ZFAND3: variants seen among roughly 807,000 people sequenced by gnomAD.
The protein encoded by ZFAND3 is AN1-type zinc finger protein 3.
Under a neutral mutation model 29.6 loss-of-function variants are expected in ZFAND3, and 10 were observed. The observed-to-expected ratio is 0.34, with a 90% CI of 0.21 to 0.57. The LOEUF (loss-of-function observed/expected upper bound fraction) is 0.57. Ranked by LOEUF, ZFAND3 falls within the 20% of genes least tolerant of loss-of-function variation. The pLI is 0.86. For synonymous variants in ZFAND3, 128 were observed against 112.6 expected, an observed-to-expected ratio of 1.14 and a Z score of -0.87; for missense variants, 230 against 304.5, an observed-to-expected ratio of 0.76 and a Z score of 1.82.
intron 5 of ZFAND3, among the ~76,000 whole-genome samples, chr6:38,131,537 G>T (rs1184865750): frequency 6.6e-6 from 1 of 152,200 alleles, no homozygotes; most frequent in African/African-American, 2.4e-5. Context: ...AGAATTACTG[G>T]AAATTGCAAA....
chr6:38,109,142 C>G (rs1413272637), intron 4 of ZFAND3, among the ~76,000 whole-genome samples: 1 of 151,122 alleles, frequency 6.6e-6, no homozygotes, highest in Non-Finnish European at 1.5e-5. Flanking sequence ...AGAGGGAAAA[C>G]CTTGCCCTCT....
chr6:37,926,134 G>T (rs1761479489), intron 1 of ZFAND3, among the ~76,000 whole-genome samples: 1 of 152,168 alleles, frequency 6.6e-6, no homozygotes, highest in African/African-American at 2.4e-5. Context: ...TGACATGAAG[G>T]TATGTGAAGA....
intron 2 of ZFAND3, among the ~76,000 whole-genome samples, chr6:37,973,112 C>G (rs116285092): frequency 6.6e-6 from 1 of 151,962 alleles, no homozygotes; most frequent in Non-Finnish European, 1.5e-5. Flanking sequence ...TTCTGAGTTG[C>G]TGATTTGGTA....
chr6:37,985,498 T>TCC (rs1762651548), intron 2 of ZFAND3, among the ~76,000 whole-genome samples: 1 of 40,712 alleles, frequency 2.5e-5, no homozygotes, highest in Non-Finnish European at 5.0e-5. Flanking sequence ...TGCTTGTGGT[T>TCC]CCACACACAC....
At chr6:37,945,412 T>C (rs1295520280) in intron 2 of ZFAND3, among the ~76,000 whole-genome samples, 1 of 152,200 alleles carries the variant, frequency 6.6e-6, no homozygotes, top group East Asian at 1.9e-4. Context: ...AGTCTTTTTT[T>C]CAAGACAGAG....
At chr6:38,030,540 G>T (rs2127451431) in intron 2 of ZFAND3, among the ~76,000 whole-genome samples, 1 of 152,180 alleles carries the variant, frequency 6.6e-6, no homozygotes, top group Non-Finnish European at 1.5e-5. Context: ...TCAGAGAAAA[G>T]GACACATTTC....
chr6:37,904,184 G>T (rs1393864655), intron 1 of ZFAND3, among the ~76,000 whole-genome samples: 2 of 152,182 alleles, frequency 1.3e-5, no homozygotes, highest in Admixed American at 1.3e-4. Context: ...TGTACATCCT[G>T]TGGAAGCCTA....
intron 2 of ZFAND3, among the ~76,000 whole-genome samples, chr6:38,043,706 G>A (rs771491226): frequency 5.3e-5 from 8 of 151,968 alleles, no homozygotes; most frequent in Non-Finnish European, 1.2e-4. Context: ...TGATCTCCAG[G>A]GTCCAAGGAC....
At chr6:38,082,156 T>G (rs986964650) in intron 3 of ZFAND3, among the ~76,000 whole-genome samples, 1 of 147,412 alleles carries the variant, frequency 6.8e-6, no homozygotes, top group African/African-American at 2.5e-5. Flanking sequence ...TTTTTTTTTT[T>G]GTGTGTGAAA....
intron 1 of ZFAND3, among the ~76,000 whole-genome samples, chr6:37,867,021 A>T (rs1764601900): frequency 6.6e-6 from 1 of 152,238 alleles, no homozygotes; most frequent in Non-Finnish European, 1.5e-5. Flanking sequence ...ATGATGACTC[A>T]AAGTCAAATG....
chr6:37,943,103 T>A (rs1306946114), intron 2 of ZFAND3, among the ~76,000 whole-genome samples: 1 of 151,696 alleles, frequency 6.6e-6, no homozygotes, highest in Non-Finnish European at 1.5e-5. Flanking sequence ...AAAAAAAAGG[T>A]TTCTAGAAAA....
At chr6:38,131,953 G>A (rs1765750148) in intron 5 of ZFAND3, among the ~76,000 whole-genome samples, 2 of 152,212 alleles carry the variant, frequency 1.3e-5, no homozygotes, top group South Asian at 2.1e-4. Flanking sequence ...CAGGGTACAT[G>A]TGCAGCCTCA....
intron 5 of ZFAND3, among the ~76,000 whole-genome samples, chr6:38,148,910 T>A (rs1436285060): frequency 1.3e-5 from 2 of 152,204 alleles, no homozygotes; most frequent in African/African-American, 4.8e-5. Context: ...ATTTATGCCA[T>A]CTAATAACCT....
intron 4 of ZFAND3, among the ~76,000 whole-genome samples, chr6:38,108,496 TGGGAAGCCACTG>T: frequency 6.6e-6 from 1 of 152,284 alleles, no homozygotes; most frequent in East Asian, 1.9e-4. Context: ...CTCGAGTCCC[TGGGAAGCCACTG>T]GTGCACCTCC....
At chr6:38,144,231 A>ATATATATATTTTT (rs1365246829) in intron 5 of ZFAND3, among the ~76,000 whole-genome samples, 1 of 75,256 alleles carries the variant, frequency 1.3e-5, no homozygotes, top group East Asian at 4.2e-4. Flanking sequence ...ATATATATAT[A>ATATATATATTTTT]TTTTTTTTTT....
chr6:37,895,540 A>G (rs1463310536), intron 1 of ZFAND3, among the ~76,000 whole-genome samples: 1 of 145,842 alleles, frequency 6.9e-6, no homozygotes, highest in East Asian at 2.0e-4. Context: ...GATTTAGTAC[A>G]AAAAACATGA....
chr6:37,882,880 T>C (rs1764922009), intron 1 of ZFAND3, among the ~76,000 whole-genome samples: 1 of 152,244 alleles, frequency 6.6e-6, no homozygotes, highest in Non-Finnish European at 1.5e-5. Context: ...GACATTCCAG[T>C]GGTTGCTTAA....
At chr6:37,923,507 T>A (rs368345557) in intron 1 of ZFAND3, among the ~76,000 whole-genome samples, 58 of 152,188 alleles carry the variant, frequency 3.8e-4, no homozygotes, top group African/African-American at 1.4e-3. Context: ...AACAACTACT[T>A]CTTCCTCTTC....
At chr6:37,997,264 G>T (rs1043401417) in intron 2 of ZFAND3, among the ~76,000 whole-genome samples, 2 of 152,134 alleles carry the variant, frequency 1.3e-5, no homozygotes, top group Non-Finnish European at 2.9e-5. Flanking sequence ...GTGCTTTAAC[G>T]TATCAGTCTT....
Sources: allele counts gnomAD v4.1 joint callset (sites outside exome capture counted in the v4.1 genomes callset), GRCh38; gene constraint gnomAD v4.1.1; transcripts MANE v1.5; gene names NCBI Gene and HGNC (gene_info 2026-07-23, HGNC 2026-07-21).